MYRIP: variants seen among roughly 807,000 people sequenced by gnomAD.
The protein encoded by MYRIP is myosin VIIA and Rab interacting protein, also known as rab effector MyRIP.
Under a neutral mutation model 98.0 loss-of-function variants are expected in MYRIP, and 49 were observed. That is an observed-to-expected ratio of 0.50 (90% CI 0.40 to 0.63). MYRIP has a LOEUF of 0.63. Among genes scored for constraint, MYRIP ranks in the 30% least tolerant of loss-of-function variants. The probability of loss-of-function intolerance (pLI) is 0.00; values close to 1 mark genes in which losing one functional copy is unlikely to be tolerated. For synonymous variants in MYRIP, 404 were observed against 409.5 expected, an observed-to-expected ratio of 0.99 and a Z score of 0.16; for missense variants, 1,004 against 1,058.2, an observed-to-expected ratio of 0.95 and a Z score of 0.71.
At chr3:40,240,339 G>A (rs776905095) in intron 12 of MYRIP, among the ~76,000 whole-genome samples, 8 of 152,146 alleles carry the variant, frequency 5.3e-5, no homozygotes, top group East Asian at 1.9e-4. Flanking sequence ...CAGCGTGAGC[G>A]ATGCAGAAGA....
chr3:39,891,934 ATGACTT>A (rs1943499394), intron 1 of MYRIP, among the ~76,000 whole-genome samples: 1 of 151,786 alleles, frequency 6.6e-6, no homozygotes, highest in African/African-American at 2.4e-5. Flanking sequence ...TTTATTTATA[ATGACTT>A]TGACTTTGTT....
chr3:39,903,476 A>T (rs1305909538), intron 2 of MYRIP, among the ~76,000 whole-genome samples: 1 of 152,146 alleles, frequency 6.6e-6, no homozygotes, highest in Non-Finnish European at 1.5e-5. Flanking sequence ...AGTAGAGCTT[A>T]TCCAGTGTTT....
At chr3:40,162,149 G>T (rs1016856559) in intron 4 of MYRIP, among the ~76,000 whole-genome samples, 1 of 152,010 alleles carries the variant, frequency 6.6e-6, no homozygotes, top group African/African-American at 2.4e-5. Context: ...CTTTCACTGT[G>T]CTGTGAACCA....
chr3:39,915,444 G>A (rs1479940888), intron 2 of MYRIP, among the ~76,000 whole-genome samples: 1 of 151,920 alleles, frequency 6.6e-6, no homozygotes, highest in African/African-American at 2.4e-5. Context: ...ATTAAATGGA[G>A]ACATATTCAA....
intron 13 of MYRIP, among the ~76,000 whole-genome samples, 179 bp from the exon 14 acceptor site, chr3:40,250,041 CTG>C (rs1468619010): frequency 1.3e-5 from 2 of 151,972 alleles, no homozygotes; most frequent in Non-Finnish European, 1.5e-5. Context: ...AAAGAAAGGC[CTG>C]TGTTTTATTT....
At chr3:39,853,682 T>C in intron 1 of MYRIP, among the ~76,000 whole-genome samples, 1 of 152,176 alleles carries the variant, frequency 6.6e-6, no homozygotes, top group South Asian at 2.1e-4. Flanking sequence ...GGCTTGCAAA[T>C]ATTTTCTCCC....
intron 10 of MYRIP, among the ~76,000 whole-genome samples, chr3:40,200,347 G>C (rs1469084505): frequency 2.0e-5 from 3 of 151,994 alleles, no homozygotes; most frequent in Admixed American, 6.6e-5. Flanking sequence ...AAGTCCTCTT[G>C]GGCCACATGG....
chr3:39,885,760 C>A (rs2125650696), intron 1 of MYRIP, among the ~76,000 whole-genome samples: 3 of 152,206 alleles, frequency 2.0e-5, no homozygotes, highest in Middle Eastern at 3.4e-3. Flanking sequence ...TCTTCCATCA[C>A]TGATACCCTA....
At chr3:39,935,389 C>A (rs959601788) in intron 2 of MYRIP, among the ~76,000 whole-genome samples, 1 of 152,066 alleles carries the variant, frequency 6.6e-6, no homozygotes, top group African/African-American at 2.4e-5. Flanking sequence ...CAAGTATATT[C>A]ATGAACTGGG....
intron 1 of MYRIP, among the ~76,000 whole-genome samples, chr3:39,815,886 CG>C (rs1245400530): frequency 3.0e-5 from 3 of 98,440 alleles, no homozygotes; most frequent in East Asian, 2.4e-4. Flanking sequence ...ATTCTAATAG[CG>C]TTTTTTTTTT....
In MYRIP at chr3:39,986,047, G is replaced by A. The variant is rs149685486; in HGVS notation, c.111-58003G>A. ...ACCTACAAAATGGGAGAAAATTTTC[G>A]CAACCGACTCATCTGACGTAAGGAA... On this transcript the variant is annotated intron_variant, in intron 2 of 16. Coordinates refer to ENST00000302541, the MANE Select transcript of MYRIP (RefSeq NM_015460.4). Among the ~76,000 whole-genome samples, 182 of 152,272 alleles carry A rather than the reference G, an allele frequency of 1.2e-3. 5 individuals are homozygous for A. In the East Asian group the frequency reaches 0.022, roughly 19 times the overall value.
intron 2 of MYRIP, among the ~76,000 whole-genome samples, chr3:39,911,321 CT>C (rs1333405783): frequency 6.6e-6 from 1 of 152,118 alleles, no homozygotes; most frequent in African/African-American, 2.4e-5. Context: ...CTCTTATTTG[CT>C]TTTTAACTTG....
intron 1 of MYRIP, among the ~76,000 whole-genome samples, chr3:39,894,182 A>C (rs1280657226): frequency 2.0e-5 from 3 of 152,226 alleles, no homozygotes; most frequent in Admixed American, 6.5e-5. Context: ...CATGACATGC[A>C]TGTAAATGCA....
chr3:39,951,648 T>C (rs1179722216), intron 2 of MYRIP, among the ~76,000 whole-genome samples: 1 of 152,136 alleles, frequency 6.6e-6, no homozygotes, highest in Non-Finnish European at 1.5e-5. Context: ...TGAAATATTA[T>C]TCTTTTGTTT....
chr3:40,205,797 A>G (rs1414349027), intron 10 of MYRIP, among the ~76,000 whole-genome samples: 1 of 150,278 alleles, frequency 6.7e-6, no homozygotes, highest in Non-Finnish European at 1.5e-5. Context: ...TTTGAAGTAG[A>G]AGAGCATTTT....
At chr3:40,125,878 G>T (rs1490073353) in intron 3 of MYRIP, among the ~76,000 whole-genome samples, 3 of 152,110 alleles carry the variant, frequency 2.0e-5, no homozygotes, top group Non-Finnish European at 4.4e-5. Context: ...GACACTTCCA[G>T]CCTCTGAGCC....
intron 8 of MYRIP, among the ~76,000 whole-genome samples, chr3:40,180,152 C>G (rs1950852238): frequency 6.6e-6 from 1 of 152,180 alleles, no homozygotes; most frequent in Non-Finnish European, 1.5e-5. Context: ...CCAAAAGCCA[C>G]TTTACATGTG....
chr3:39,941,932 C>T (rs1944794978), intron 2 of MYRIP, among the ~76,000 whole-genome samples: 1 of 151,898 alleles, frequency 6.6e-6, no homozygotes, highest in African/African-American at 2.4e-5. Flanking sequence ...TTGGATTTTA[C>T]AGTCATGTTG....
intron 2 of MYRIP, among the ~76,000 whole-genome samples, chr3:39,979,546 G>C (rs566315087): frequency 6.6e-6 from 1 of 151,848 alleles, no homozygotes; most frequent in East Asian, 1.9e-4. Context: ...AATGAGGCAG[G>C]AGAATCGCTT....
Sources: gnomAD v4.1 joint callset for allele counts (sites outside exome capture counted in the v4.1 genomes callset) on GRCh38, gnomAD v4.1.1 for gene constraint, MANE v1.5 for transcripts, NCBI Gene and HGNC (gene_info 2026-07-23, HGNC 2026-07-21) for gene names.